RNF217: variants seen among roughly 807,000 people sequenced by gnomAD.
RNF217 encodes E3 ubiquitin-protein ligase RNF217.
A neutral mutation model predicts 57.8 loss-of-function variants in RNF217; 31 were observed. That is an observed-to-expected ratio of 0.54 (90% CI 0.40 to 0.72). The LOEUF (loss-of-function observed/expected upper bound fraction) is 0.72, where lower values mean the gene tolerates loss of function less well. Ranked by LOEUF, RNF217 falls within the 30% of genes least tolerant of loss-of-function variation. RNF217 has a pLI of 0.00. For synonymous variants in RNF217, 313 were observed against 294.0 expected, an observed-to-expected ratio of 1.06 and a Z score of -0.66; for missense variants, 696 against 708.3, an observed-to-expected ratio of 0.98 and a Z score of 0.20.
At chr6:125,000,023 C>T (rs563819090) in intron 1 of RNF217, among the ~76,000 whole-genome samples, 7 of 152,246 alleles carry the variant, frequency 4.6e-5, no homozygotes, top group Admixed American at 4.6e-4. Context: ...ATTACTGCCA[C>T]TGGTCTTGTA....
At chr6:125,082,706 T>A in intron 5 of RNF217, 158 bp from the exon 6 acceptor site, 1 of 1,302,924 alleles carries the variant, frequency 7.7e-7, no homozygotes, top group Non-Finnish European at 1.1e-6. Context: ...AGGGAAATAT[T>A]AAAGAATGAA....
rs567518567 is a variant in RNF217, at chr6:125,074,423, C to T, written c.1282-2234C>T. 2.0e-5 allele frequency among the ~76,000 whole-genome samples: 3 copies of T among 151,998 alleles called. No individual in the cohort carries two copies. In the South Asian group the frequency reaches 6.2e-4, roughly 32 times the overall value. ...TTTTTGTGATTACTATGATTAATGG[C>T]CGTTATTAGTTCACAAGCAGCCTCA... On this transcript the variant is annotated intron_variant, in intron 3 of 5. Transcript: ENST00000521654.
intron 1 of RNF217, among the ~76,000 whole-genome samples, chr6:125,044,497 C>G (rs774159220): frequency 1.4e-4 from 21 of 152,056 alleles, no homozygotes; most frequent in Admixed American, 3.3e-4. Flanking sequence ...CCTCCCTTCT[C>G]TCCTAATCTA....
intron 1 of RNF217, among the ~76,000 whole-genome samples, chr6:125,027,643 G>T (rs942937559): frequency 1.3e-5 from 2 of 152,030 alleles, no homozygotes; most frequent in African/African-American, 4.8e-5. Flanking sequence ...TCAATATACT[G>T]ACTTCCTCTC....
intron 1 of RNF217, among the ~76,000 whole-genome samples, chr6:124,970,138 T>TG (rs1783708072): frequency 1.3e-5 from 2 of 152,164 alleles, no homozygotes; most frequent in Non-Finnish European, 2.9e-5. Context: ...GGTATCTTCA[T>TG]TTCCCTAAAG....
intron 1 of RNF217, among the ~76,000 whole-genome samples, chr6:124,989,057 A>ATTACCTTACCATTGGTAAGTAGCTTTC (rs6149796): frequency 0.24 from 36,608 of 152,064 alleles, 4,793 homozygotes; most frequent in East Asian, 0.4. Context: ...ATATAATTTA[A>ATTACCTTACCATTGGTAAGTAGCTTTC]TTTGCTTGTC....
In RNF217 at chr6:125,065,072, G is replaced by A. The variant is rs181968704; in HGVS notation, c.1281+6966G>A. On this transcript the variant is annotated intron_variant, in intron 3 of 5. Transcript: ENST00000521654. The stretch of plus-strand genomic sequence containing the variant: ...GGGCGGATCACGAGGTCAGGAGATC[G>A]AGATCATCCTGGCTAACACGGTGAA... 3.0e-4 allele frequency among the ~76,000 whole-genome samples: 45 copies of A among 151,870 alleles called. No individual in the cohort carries two copies. In the East Asian group the frequency reaches 8.0e-3, roughly 27 times the overall value.
chr6:124,993,558 A>C (rs1784638980), intron 1 of RNF217, among the ~76,000 whole-genome samples: 1 of 152,174 alleles, frequency 6.6e-6, no homozygotes, highest in African/African-American at 2.4e-5. Context: ...AGATCTTGGC[A>C]GTGCAAAGGT....
In RNF217 at chr6:125,070,839, A is replaced by T. The variant is rs114280978; in HGVS notation, c.1282-5818A>T. Among the ~76,000 whole-genome samples, 867 of 152,338 alleles carry T rather than the reference A, an allele frequency of 5.7e-3. 8 individuals are homozygous for T. Among genetic ancestry groups the T allele is most frequent in the African/African-American group, 0.02 (817 of 41,584 alleles). ...TAGAGGTTAGGATTTTATCTAGAGT[A>T]AAATATTTGTTGGGGGCAGTAATAC... On this transcript the variant is annotated intron_variant, in intron 3 of 5. Transcript: ENST00000521654.
intron 1 of RNF217, among the ~76,000 whole-genome samples, chr6:124,997,178 T>G (rs1301155519): frequency 6.6e-6 from 1 of 152,224 alleles, no homozygotes; most frequent in Non-Finnish European, 1.5e-5. Flanking sequence ...AAGAGAATCC[T>G]CTGTTTAAAA....
chr6:125,033,957 AT>A (rs1238739096), intron 1 of RNF217, among the ~76,000 whole-genome samples: 1 of 151,560 alleles, frequency 6.6e-6, no homozygotes, highest in African/African-American at 2.4e-5. Context: ...GATGATGAGC[AT>A]TTTTTCATGT....
At chr6:125,008,688 A>T (rs1173954143) in intron 1 of RNF217, 8 of 147,010 alleles carry the variant, frequency 5.4e-5, no homozygotes, top group Non-Finnish European at 1.0e-4. Context: ...TCATCCTTTG[A>T]TTGCCCTCAG....
intron 1 of RNF217, among the ~76,000 whole-genome samples, chr6:125,002,284 C>A (rs1446467359): frequency 6.6e-6 from 1 of 152,124 alleles, no homozygotes; most frequent in African/African-American, 2.4e-5. Flanking sequence ...GGCACCGGAA[C>A]AATGTGCCCA....
chr6:125,077,001 T>C, intron 4 of RNF217, 143 bp downstream of exon 4: 1 of 714,654 alleles, frequency 1.4e-6, no homozygotes, highest in South Asian at 1.9e-5. Flanking sequence ...CCTTTAAGAA[T>C]AAAATTTAAA....
At chr6:125,038,828 T>C (rs1337086743) in intron 1 of RNF217, among the ~76,000 whole-genome samples, 1 of 152,110 alleles carries the variant, frequency 6.6e-6, no homozygotes, top group Non-Finnish European at 1.5e-5. Flanking sequence ...ATGATCTTTT[T>C]TTCTAATTTA....
chr6:124,965,571 C>CA (rs1315889183), intron 1 of RNF217, among the ~76,000 whole-genome samples: 68 of 149,840 alleles, frequency 4.5e-4, no homozygotes, highest in African/African-American at 1.5e-3. Context: ...AGACTCCTCT[C>CA]AAAAAAAAAG....
intron 2 of RNF217, among the ~76,000 whole-genome samples, chr6:125,054,886 A>G (rs1392124310): frequency 1.3e-5 from 2 of 152,192 alleles, no homozygotes; most frequent in Non-Finnish European, 2.9e-5. Context: ...ACTTTGAGCC[A>G]CAAGGACAGG....
chr6:124,997,108 G>A (rs763926654), intron 1 of RNF217, among the ~76,000 whole-genome samples: 9 of 152,050 alleles, frequency 5.9e-5, no homozygotes, highest in East Asian at 3.9e-4. Flanking sequence ...GTTTTGGTCC[G>A]GTGTGTATTC....
chr6:125,019,565 A>G (rs1324951052), intron 1 of RNF217, among the ~76,000 whole-genome samples: 2 of 152,250 alleles, frequency 1.3e-5, no homozygotes, highest in African/African-American at 4.8e-5. Context: ...TTTCTATACT[A>G]ATTACAAATT....
Sources: gnomAD v4.1 joint callset for allele counts (sites outside exome capture counted in the v4.1 genomes callset) on GRCh38, gnomAD v4.1.1 for gene constraint, MANE v1.5 for transcripts, NCBI Gene and HGNC (gene_info 2026-07-23, HGNC 2026-07-21) for gene names.